The following GRIP1 variants were observed in gnomAD, a reference collection of about 807,000 sequenced individuals.
GRIP1 encodes the protein glutamate receptor interacting protein 1.
In GRIP1, 45 loss-of-function variants were observed where a neutral mutation model predicts 129.9. That is an observed-to-expected ratio of 0.35 (90% CI 0.27 to 0.44). The LOEUF is 0.44. GRIP1 is among the 20% of genes least tolerant of loss of function. The pLI is 1.00. For missense variants in GRIP1, 1,196 were observed against 1,396.8 expected, an observed-to-expected ratio of 0.86 and a Z score of 2.29; for synonymous variants, 530 against 520.8, an observed-to-expected ratio of 1.02 and a Z score of -0.24.
chr12:66,562,395 C>T (rs1342669562), intron 2 of GRIP1, among the ~76,000 whole-genome samples: 1 of 152,112 alleles, frequency 6.6e-6, no homozygotes, highest in African/African-American at 2.4e-5. Context: ...TCTGTTATTG[C>T]CCCTTGGATT....
chr12:66,474,436 T>G (rs1205603248), intron 7 of GRIP1, among the ~76,000 whole-genome samples: 2 of 152,030 alleles, frequency 1.3e-5, no homozygotes, highest in Non-Finnish European at 2.9e-5. Context: ...TTACCCAACC[T>G]AGCAAGGCAG....
intron 15 of GRIP1, among the ~76,000 whole-genome samples, chr12:66,412,913 C>T (rs1286405364): frequency 6.6e-6 from 1 of 152,056 alleles, no homozygotes; most frequent in Non-Finnish European, 1.5e-5. Flanking sequence ...AGCTAAGTAT[C>T]CTAAATATAT....
At chr12:66,561,414 T>C (rs1180708215) in intron 2 of GRIP1, among the ~76,000 whole-genome samples, 1 of 152,138 alleles carries the variant, frequency 6.6e-6, no homozygotes. Context: ...ATGCATTGCA[T>C]GGCTGTATCA....
At chr12:66,908,983 C>T (rs1276060162) in intron 1 of GRIP1, among the ~76,000 whole-genome samples, 1 of 152,186 alleles carries the variant, frequency 6.6e-6, no homozygotes, top group Non-Finnish European at 1.5e-5. Context: ...TCACAATGCA[C>T]CCAGCACCAA....
At chr12:66,490,585 G>C (rs1254491359) in intron 7 of GRIP1, among the ~76,000 whole-genome samples, 1 of 151,090 alleles carries the variant, frequency 6.6e-6, no homozygotes, top group Non-Finnish European at 1.5e-5. Context: ...ATTTCATGAT[G>C]AAAATACTAA....
intron 2 of GRIP1, among the ~76,000 whole-genome samples, chr12:66,591,753 C>A (rs772221473): frequency 6.6e-6 from 1 of 152,096 alleles, no homozygotes; most frequent in African/African-American, 2.4e-5. Flanking sequence ...CCTCAATGTC[C>A]TGAGTAGCTG....
chr12:66,897,267 G>A (rs573236506), intron 1 of GRIP1, among the ~76,000 whole-genome samples: 48 of 152,136 alleles, frequency 3.2e-4, no homozygotes, highest in Non-Finnish European at 5.0e-4. Flanking sequence ...CACTGAAAGT[G>A]CCCTAAAGCC....
At chr12:66,828,692 T>G (rs1449962627) in intron 1 of GRIP1, among the ~76,000 whole-genome samples, 1 of 152,180 alleles carries the variant, frequency 6.6e-6, no homozygotes, top group African/African-American at 2.4e-5. Flanking sequence ...CACCTTCCCT[T>G]CAAAATTCAG....
intron 1 of GRIP1, among the ~76,000 whole-genome samples, chr12:66,788,133 C>T (rs1052843441): frequency 1.3e-5 from 2 of 152,008 alleles, no homozygotes; most frequent in Non-Finnish European, 2.9e-5. Flanking sequence ...ATTTAGAAAG[C>T]AAAGTTGAGT....
intron 7 of GRIP1, among the ~76,000 whole-genome samples, chr12:66,481,626 C>T (rs1480262792): frequency 6.6e-6 from 1 of 152,180 alleles, no homozygotes; most frequent in Non-Finnish European, 1.5e-5. Flanking sequence ...ATAAATCATT[C>T]TACTATAGAG....
intron 1 of GRIP1, among the ~76,000 whole-genome samples, chr12:66,794,243 T>C (rs2038631649): frequency 6.6e-6 from 1 of 152,164 alleles, no homozygotes; most frequent in Non-Finnish European, 1.5e-5. Flanking sequence ...AATACACGAA[T>C]AGTGACTACA....
intron 1 of GRIP1, among the ~76,000 whole-genome samples, chr12:66,600,900 G>A (rs1387382399): frequency 6.6e-6 from 1 of 152,138 alleles, no homozygotes; most frequent in South Asian, 2.1e-4. Context: ...GGCATCTCAG[G>A]GTATCAGCAC....
At chr12:67,016,531 A>G (rs2042790075) in intron 1 of GRIP1, among the ~76,000 whole-genome samples, 1 of 152,146 alleles carries the variant, frequency 6.6e-6, no homozygotes, top group African/African-American at 2.4e-5. Flanking sequence ...CAGTGCTCAC[A>G]TGCTCAGCAG....
At chr12:66,437,299 G>C (rs551231369) in intron 13 of GRIP1, among the ~76,000 whole-genome samples, 7 of 152,198 alleles carry the variant, frequency 4.6e-5, no homozygotes, top group Non-Finnish European at 1.0e-4. Flanking sequence ...GTAGTTTCCA[G>C]TTGATACTAG....
At chr12:66,394,479 T>C in intron 16 of GRIP1, 127 bp from the exon 17 acceptor site, 2 of 815,468 alleles carry the variant, frequency 2.5e-6, no homozygotes, top group Non-Finnish European at 4.0e-6. Context: ...AAAATAATTA[T>C]TTTGGGAAGT....
chr12:66,374,789 T>C (rs2137326262), intron 22 of GRIP1, among the ~76,000 whole-genome samples: 1 of 152,282 alleles, frequency 6.6e-6, no homozygotes, highest in East Asian at 1.9e-4. Context: ...TTGGTTCGCA[T>C]TTTCAGGTAA....
At chr12:66,370,256 A>C (rs1278901403) in intron 23 of GRIP1, among the ~76,000 whole-genome samples, 2 of 152,130 alleles carry the variant, frequency 1.3e-5, no homozygotes, top group African/African-American at 4.8e-5. Flanking sequence ...TGATGCCATT[A>C]TCTTCCCACT....
intron 1 of GRIP1, among the ~76,000 whole-genome samples, chr12:66,932,332 A>G (rs889442309): frequency 6.6e-6 from 1 of 152,166 alleles, no homozygotes; most frequent in African/African-American, 2.4e-5. Flanking sequence ...TTAATACCTA[A>G]CTGATTTTAC....
At chr12:66,679,121 C>T, upstream of GRIP1, 1 of 1,454,988 alleles carries the variant, frequency 6.9e-7, no homozygotes, top group African/African-American at 1.4e-5. Flanking sequence ...CTGCCTGCCA[C>T]AGCCTCCTCC....
Sources: gnomAD v4.1 joint callset for allele counts (sites outside exome capture counted in the v4.1 genomes callset) on GRCh38, gnomAD v4.1.1 for gene constraint, MANE v1.5 for transcripts, NCBI Gene and HGNC (gene_info 2026-07-23, HGNC 2026-07-21) for gene names.